The following WWOX variants were observed in gnomAD, a reference collection of about 807,000 sequenced individuals.
WWOX encodes the protein WW domain containing oxidoreductase.
Under a neutral mutation model 46.2 loss-of-function variants are expected in WWOX, and 69 were observed. The observed-to-expected ratio is 1.49, with a 90% confidence interval of 1.23 to 1.82. The LOEUF (loss-of-function observed/expected upper bound fraction) is 1.82, where lower values mean the gene tolerates loss of function less well. Ranked by LOEUF, WWOX falls within the 40% of genes most tolerant of loss-of-function variation. WWOX has a pLI of 0.00. For missense variants in WWOX, 919 were observed against 542.6 expected (o/e 1.69, Z -6.89); for synonymous variants, 359 against 202.6 (o/e 1.77, Z -6.56).
At chr16:78,922,573 T>A (rs911533027) in intron 8 of WWOX, among the ~76,000 whole-genome samples, 2 of 152,126 alleles carry the variant, frequency 1.3e-5, no homozygotes. Context: ...GAGACAGGGT[T>A]TCACCATGTT....
chr16:78,969,566 C>T (rs761578406), intron 8 of WWOX, among the ~76,000 whole-genome samples: 4 of 152,156 alleles, frequency 2.6e-5, no homozygotes, highest in African/African-American at 4.8e-5. Context: ...CCACCACACC[C>T]AGCCACTCTC....
At chr16:78,848,474 G>A (rs892982044) in intron 8 of WWOX, among the ~76,000 whole-genome samples, 9 of 152,218 alleles carry the variant, frequency 5.9e-5, no homozygotes, top group Non-Finnish European at 1.3e-4. Flanking sequence ...AAGGAAGAGA[G>A]AGCTCAGGAG....
At position 79,211,836 on chromosome 16, in the gene WWOX, G is replaced by C. The variant is rs1333431914; in HGVS notation, c.*40G>C. On this transcript the variant is annotated 3_prime_UTR_variant, in exon 9 of 9. Coordinates refer to ENST00000566780, the MANE Select transcript of WWOX (RefSeq NM_016373.4). Reference sequence around the variant, plus strand: ...GGATGGGCACACACACCCGCCCTGTGTGTGTCCCCTCACGCAAGTGCCAGG... The same window carrying C: ...GGATGGGCACACACACCCGCCCTGTCTGTGTCCCCTCACGCAAGTGCCAGG... 3 of 1,612,624 alleles carry C rather than the reference G, an allele frequency of 1.9e-6. No individual in the cohort carries two copies. The highest frequency in any genetic ancestry group is 1.6e-4 in the Middle Eastern group (1 of 6,062).
At chr16:78,306,712 A>C (rs1279838760) in intron 5 of WWOX, among the ~76,000 whole-genome samples, 1 of 151,620 alleles carries the variant, frequency 6.6e-6, no homozygotes, top group Non-Finnish European at 1.5e-5. Context: ...ATTCCCTGTG[A>C]ATTTTGCTCC....
At chr16:78,581,757 G>T (rs567118345) in intron 8 of WWOX, among the ~76,000 whole-genome samples, 1 of 152,206 alleles carries the variant, frequency 6.6e-6, no homozygotes, top group Non-Finnish European at 1.5e-5. Flanking sequence ...GTAACACCAG[G>T]TTCCCTACCT....
intron 8 of WWOX, among the ~76,000 whole-genome samples, chr16:78,893,984 C>A (rs955400928): frequency 1.3e-5 from 2 of 150,464 alleles, no homozygotes; most frequent in Middle Eastern, 3.4e-3. Flanking sequence ...ACCAGGTATC[C>A]CTGATTACCA....
chr16:78,670,644 C>G lies in WWOX; in HGVS notation c.1056+237892C>G, dbSNP rs2047438621. ...TATCTGGAACCTCAGAATGTGACCT[C>G]ATTTGGAAATAAGGCCTTTTTAATT... On this transcript the variant is annotated intron_variant, in intron 8 of 8. Transcript: ENST00000566780. Among the ~76,000 whole-genome samples the G allele has an allele frequency of 2.6e-5, 4 of 152,092 alleles. No individual in the cohort carries two copies. The South Asian group carries it at 8.3e-4, about 32-fold the overall frequency.
intron 8 of WWOX, among the ~76,000 whole-genome samples, chr16:78,527,827 A>T (rs1018711895): frequency 6.6e-6 from 1 of 151,548 alleles, no homozygotes; most frequent in South Asian, 2.1e-4. Flanking sequence ...TAGGGGGGAA[A>T]AGGTGCTACT....
At chr16:78,695,727 G>T (rs10514442) in intron 8 of WWOX, among the ~76,000 whole-genome samples, 5,770 of 152,314 alleles carry the variant, frequency 0.038, 345 homozygotes, top group Admixed American at 0.16. Flanking sequence ...TCAGCCAAGA[G>T]AACCAAGAGC....
chr16:78,544,062 C>T (rs1194301947), intron 8 of WWOX, among the ~76,000 whole-genome samples: 1 of 152,070 alleles, frequency 6.6e-6, no homozygotes, highest in East Asian at 1.9e-4. Context: ...GTAGGAAAAG[C>T]CTAGCCAAGC....
chr16:78,581,876 C>G (rs1056481750), intron 8 of WWOX, among the ~76,000 whole-genome samples: 1 of 152,160 alleles, frequency 6.6e-6, no homozygotes, highest in Admixed American at 6.5e-5. Context: ...TTGTCATCCT[C>G]TATTTGAAAT....
chr16:78,485,765 T>C (rs1244259219), intron 8 of WWOX, among the ~76,000 whole-genome samples: 1 of 152,134 alleles, frequency 6.6e-6, no homozygotes, highest in African/African-American at 2.4e-5. Context: ...TTTCCAAGGA[T>C]CCCTCTCCCC....
Position 78,213,293 on chromosome 16 carries a change from AC to A in WWOX, c.516+49006del, listed in dbSNP as rs560828670. Among the ~76,000 whole-genome samples the A allele has an allele frequency of 5.1e-4, 76 of 150,300 alleles. 1 individual carries two copies. The South Asian group carries it at 0.016, about 32-fold the overall frequency. On this transcript the variant is annotated intron_variant, in intron 5 of 8. Transcript: ENST00000566780. ...AAAAATCTTTCAGGGATCCAGGCTG[AC>A]CTCAGCACCATCTCTTACATGTGCC...
At chr16:78,461,170 A>G (rs1232831116) in intron 8 of WWOX, among the ~76,000 whole-genome samples, 1 of 152,200 alleles carries the variant, frequency 6.6e-6, no homozygotes, top group Non-Finnish European at 1.5e-5. Context: ...AGATTTCACT[A>G]TCCATGAATT....
intron 8 of WWOX, among the ~76,000 whole-genome samples, chr16:79,194,175 G>C (rs1395710208): frequency 1.3e-5 from 2 of 152,138 alleles, no homozygotes; most frequent in African/African-American, 4.8e-5. Flanking sequence ...GTTACTTGTA[G>C]AGAACAGCTA....
chr16:78,825,118 T>G (rs1242216056), intron 8 of WWOX, among the ~76,000 whole-genome samples: 1 of 151,174 alleles, frequency 6.6e-6, no homozygotes, highest in Non-Finnish European at 1.5e-5. Flanking sequence ...CTCGGGGAGG[T>G]CAAGTGAGTT....
At chr16:78,529,200 C>G (rs1317587159) in intron 8 of WWOX, among the ~76,000 whole-genome samples, 1 of 152,072 alleles carries the variant, frequency 6.6e-6, no homozygotes, top group Non-Finnish European at 1.5e-5. Context: ...AAGGATCCTC[C>G]CACCTCAGCC....
At chr16:78,989,054 G>T (rs1169887168) in intron 8 of WWOX, among the ~76,000 whole-genome samples, 3 of 152,168 alleles carry the variant, frequency 2.0e-5, no homozygotes, top group Non-Finnish European at 4.4e-5. Context: ...TTCAGAGTAA[G>T]CCATTTAACT....
At chr16:78,557,223 C>G (rs1269734459) in intron 8 of WWOX, among the ~76,000 whole-genome samples, 2 of 147,850 alleles carry the variant, frequency 1.4e-5, no homozygotes, top group Non-Finnish European at 3.0e-5. Flanking sequence ...GACCAATTAT[C>G]ATGATTATTA....
Sources: allele counts gnomAD v4.1 joint callset (sites outside exome capture counted in the v4.1 genomes callset), GRCh38; gene constraint gnomAD v4.1.1; transcripts MANE v1.5; gene names NCBI Gene and HGNC (gene_info 2026-07-23, HGNC 2026-07-21).